Variants in CHD1 observed in about 807,000 individuals in gnomAD.
CHD1 encodes ATP-dependent chromatin remodeler CHD1.
In CHD1, 36 loss-of-function variants were observed where a neutral mutation model predicts 224.2. The ratio of observed to expected loss-of-function variants is 0.16; its 90% CI spans 0.12 to 0.21. CHD1 has a LOEUF of 0.21. Among genes scored for constraint, CHD1 ranks in the 10% least tolerant of loss-of-function variants. The pLI is 1.00. For synonymous variants in CHD1, 668 were observed against 658.3 expected, an observed-to-expected ratio of 1.01 and a Z score of -0.23; for missense variants, 1,378 against 1,994.8, an observed-to-expected ratio of 0.69 and a Z score of 5.89.
intron 2 of CHD1, among the ~76,000 whole-genome samples, chr5:98,914,567 C>T (rs963308724): frequency 5.9e-5 from 9 of 151,998 alleles, no homozygotes; most frequent in African/African-American, 1.9e-4. Flanking sequence ...ACAACTGGTC[C>T]GATTCCTGAC....
At chr5:98,880,037 T>C (rs1357875521) in intron 22 of CHD1, among the ~76,000 whole-genome samples, 1 of 152,210 alleles carries the variant, frequency 6.6e-6, no homozygotes, top group Non-Finnish European at 1.5e-5. Flanking sequence ...ACATGCTAAA[T>C]AATCTGCAGA....
At chr5:98,889,853 A>ACTAC (rs1561515212) in intron 15 of CHD1, 3 of 152,216 alleles carry the variant, frequency 2.0e-5, no homozygotes, top group Non-Finnish European at 4.4e-5. Flanking sequence ...TCCCATGAAT[A>ACTAC]CTACACAGCC....
chr5:98,856,234 T>C lies in CHD1; in HGVS notation c.*146A>G, dbSNP rs189315446. On this transcript the variant is annotated 3_prime_UTR_variant, in exon 36 of 36. Transcript: ENST00000614616. ...AATATTTTCTCTTCTGTTGGGATAA[T>C]AGACCTTGCATCCTGGAAAGAAGTA... The C allele has an allele frequency of 1.0e-4, 61 of 611,842 alleles. No homozygotes were observed. The highest frequency in any genetic ancestry group is 3.5e-5 in the Non-Finnish European group (12 of 344,350). The allele number at this position is 611,842 out of a possible 1,614,324, so 37.9% of individuals were successfully genotyped here. A position where few individuals can be genotyped will look rare whatever the true frequency, so the allele number is the denominator to read the frequency against.
At chr5:98,899,159 C>T (rs759630305) in intron 8 of CHD1, among the ~76,000 whole-genome samples, 66 of 152,098 alleles carry the variant, frequency 4.3e-4, no homozygotes, top group Non-Finnish European at 6.9e-4. Flanking sequence ...CCACACACAT[C>T]CTCCCCCATA....
intron 1 of CHD1, among the ~76,000 whole-genome samples, chr5:98,927,506 CAAT>C (rs1369372484): frequency 1.3e-5 from 2 of 152,156 alleles, no homozygotes; most frequent in African/African-American, 4.8e-5. Flanking sequence ...GTTACCAACT[CAAT>C]GATAGCAAAG....
chr5:98,903,116 T>C lies in CHD1; in HGVS notation c.373-152A>G, dbSNP rs1751830412. On this transcript the variant is annotated intron_variant, in intron 4 of 35. Coordinates refer to ENST00000614616, the MANE Select transcript of CHD1 (RefSeq NM_001270.4). ...TGTAGTTTTATTTATGTTAACTAGC[T>C]GAAAGTAATAACATTTTTATTGCAA... The C allele has an allele frequency of 2.8e-5, 14 of 501,522 alleles. No individual in the cohort carries two copies. In the South Asian group the frequency reaches 4.6e-4, roughly 16 times the overall value. 31.1% of individuals were successfully genotyped at this position (501,522 alleles called of 1,614,324 possible). A position where few individuals can be genotyped will look rare whatever the true frequency, so the allele number is the denominator to read the frequency against.
intron 18 of CHD1, chr5:98,883,861 ATTTTTTT>A (rs869265354): frequency 2.4e-4 from 8 of 33,250 alleles, no homozygotes; most frequent in Admixed American, 5.5e-4. Context: ...ATATATATAT[ATTTTTTT>A]TTTTTTTTTT....
chr5:98,878,454 G>C (rs903695644), intron 23 of CHD1, among the ~76,000 whole-genome samples: 1 of 152,146 alleles, frequency 6.6e-6, no homozygotes, highest in Admixed American at 6.5e-5. Flanking sequence ...AAGGAAGCAC[G>C]AAAAAACTCA....
At position 98,928,864 on chromosome 5, in the gene CHD1, C is replaced by G. The variant is rs1753699194; in HGVS notation, c.-474G>C. On this transcript the variant is annotated 5_prime_UTR_variant, in exon 1 of 36. Coordinates refer to ENST00000614616, the MANE Select transcript of CHD1 (RefSeq NM_001270.4). ...TCCCGCTCCCTCCGCTTATCTGCCC[C>G]CGGCAGCCGCCATGACGCCGAGAAA... 1.3e-5 allele frequency: 2 copies of G among 156,208 alleles called. No individual in the cohort carries two copies. Among genetic ancestry groups the G allele is most frequent in the African/African-American group, 4.8e-5 (2 of 41,428 alleles). 9.7% of individuals were successfully genotyped at this position (156,208 alleles called of 1,614,324 possible).
Position 98,893,607 on chromosome 5 carries a change from C to A in CHD1, c.1801-1G>T. 6.5e-7 allele frequency: 1 copy of A among 1,547,928 alleles called. No individual in the cohort carries two copies. Among genetic ancestry groups the A allele is most frequent in the South Asian group, 1.3e-5 (1 of 79,162 alleles). ...CCCAATTTAGACCTCCAAGGAATGC[C>A]TTAAAATAATAGAAAAACAGTATTT... On this transcript the variant is annotated splice_acceptor_variant, in intron 13 of 35. Coordinates refer to ENST00000614616, the MANE Select transcript of CHD1 (RefSeq NM_001270.4). LOFTEE classifies it high-confidence loss of function.
At chr5:98,923,071 T>C (rs1432992707) in intron 2 of CHD1, among the ~76,000 whole-genome samples, 1 of 152,216 alleles carries the variant, frequency 6.6e-6, no homozygotes, top group East Asian at 1.9e-4. Flanking sequence ...TCCCTCTACC[T>C]CTAAAGTTCA....
intron 2 of CHD1, among the ~76,000 whole-genome samples, chr5:98,921,820 C>T (rs909786201): frequency 6.6e-6 from 1 of 152,054 alleles, no homozygotes; most frequent in Admixed American, 6.6e-5. Context: ...TATAGCCATT[C>T]CTGAAGTAAA....
intron 2 of CHD1, among the ~76,000 whole-genome samples, chr5:98,911,725 G>T (rs533458972): frequency 6.6e-4 from 100 of 152,222 alleles, no homozygotes; most frequent in Non-Finnish European, 9.4e-4. Flanking sequence ...GCATAACTTG[G>T]ATCTAATGAT....
At chr5:98,911,534 C>T (rs531425342) in intron 2 of CHD1, among the ~76,000 whole-genome samples, 5 of 152,222 alleles carry the variant, frequency 3.3e-5, no homozygotes, top group African/African-American at 4.8e-5. Context: ...TCACAAATTG[C>T]TTCTTAGCTG....
chr5:98,901,258 TTCTC>T lies in CHD1; in HGVS notation c.511_514del (p.Glu171LysfsTer77). ...AGATTCTGTTTCATCACAACTGCTT[TTCTC>T]TCTCTCTTCTTCAGATTCTGAATCT... On this transcript the variant is annotated frameshift_variant, in exon 6 of 36. Transcript: ENST00000614616. LOFTEE classifies it high-confidence loss of function. 6.2e-7 allele frequency: 1 copy of T among 1,613,966 alleles called. No homozygotes were observed. The highest frequency in any genetic ancestry group is 8.5e-7 in the Non-Finnish European group (1 of 1,179,934).
chr5:98,893,399 T>C lies in CHD1; in HGVS notation c.1991+17A>G, dbSNP rs752156370. On this transcript the variant is annotated intron_variant, in intron 14 of 35. Coordinates refer to ENST00000614616, the MANE Select transcript of CHD1 (RefSeq NM_001270.4). The stretch of plus-strand genomic sequence containing the variant: ...TAATATCCACACAATATGATTAAAA[T>C]TGTAAAGTTGTCTTACTTTTCTGGC... The C allele has an allele frequency of 1.7e-5, 27 of 1,555,712 alleles. No homozygotes were observed. In the Admixed American group the frequency reaches 4.0e-4, roughly 23 times the overall value.
intron 11 of CHD1, 82 bp downstream of exon 11, chr5:98,897,111 T>C (rs1751394104): frequency 2.2e-6 from 3 of 1,356,304 alleles, no homozygotes; most frequent in Non-Finnish European, 3.1e-6. Context: ...TTATTCTTTA[T>C]GTAAATGGAA....
At chr5:98,886,630 C>T (rs555852630) in intron 17 of CHD1, among the ~76,000 whole-genome samples, 1 of 151,786 alleles carries the variant, frequency 6.6e-6, no homozygotes. Flanking sequence ...TTTAACTCTG[C>T]GAAGAAAAAA....
intron 17 of CHD1, among the ~76,000 whole-genome samples, chr5:98,886,680 G>A (rs574063699): frequency 6.6e-6 from 1 of 152,234 alleles, no homozygotes; most frequent in Admixed American, 6.5e-5. Context: ...TGGTTTAAAT[G>A]AAGTGCTCTT....
Sources: allele counts gnomAD v4.1 joint callset (sites outside exome capture counted in the v4.1 genomes callset), GRCh38; gene constraint gnomAD v4.1.1; transcripts MANE v1.5; gene names NCBI Gene and HGNC (gene_info 2026-07-23, HGNC 2026-07-21).